The following SPMIP10 variants were observed in gnomAD, a reference collection of about 807,000 sequenced individuals.
SPMIP10 encodes sperm-associated microtubule inner protein 10.
the SPMIP10 span, among the ~76,000 whole-genome samples, chr5:126,633,008 C>CATATATAT: frequency 2.6e-3 from 331 of 125,326 alleles, 4 homozygotes; most frequent in East Asian, 0.014. Flanking sequence ...ATAAATTTTA[C>CATATATAT]ATATATATAT....
At chr5:126,635,418 C>T in the SPMIP10 span, among the ~76,000 whole-genome samples, 1 of 152,104 alleles carries the variant, frequency 6.6e-6, no homozygotes, top group Non-Finnish European at 1.5e-5. Flanking sequence ...ATCTGCTACT[C>T]AAAGAATCCT....
the SPMIP10 span, among the ~76,000 whole-genome samples, chr5:126,633,488 T>C: frequency 6.6e-6 from 1 of 151,754 alleles, no homozygotes; most frequent in East Asian, 1.9e-4. Context: ...GTCTCCCAAG[T>C]AGCTGGGATT....
At chr5:126,632,524 T>C in the SPMIP10 span, 21 of 1,351,070 alleles carry the variant, frequency 1.6e-5, no homozygotes, top group African/African-American at 2.9e-5. Flanking sequence ...ACAAGATGTC[T>C]TCTTGCTTTC....
chr5:126,634,183 G>A, the SPMIP10 span, among the ~76,000 whole-genome samples: 1 of 152,166 alleles, frequency 6.6e-6, no homozygotes, highest in East Asian at 1.9e-4. Flanking sequence ...TGTGATCCTA[G>A]CACTTTGGGA....
chr5:126,635,937 C>A, the SPMIP10 span: 1 of 1,050,372 alleles, frequency 9.5e-7, no homozygotes, highest in Non-Finnish European at 1.4e-6. Context: ...GCTGGGATTA[C>A]AGGCATGAGC....
the SPMIP10 span, among the ~76,000 whole-genome samples, chr5:126,633,032 T>TATAA: frequency 2.7e-5 from 4 of 146,498 alleles, no homozygotes; most frequent in African/African-American, 1.0e-4. Flanking sequence ...TATATATATA[T>TATAA]AATTTAGTAT....
chr5:126,632,640 A>T, the SPMIP10 span: 1 of 1,589,218 alleles, frequency 6.3e-7, no homozygotes, highest in Admixed American at 1.7e-5. Flanking sequence ...GATATTCAGG[A>T]ATGTGAATCT....
At chr5:126,632,494 A>G in the SPMIP10 span, 1 of 1,053,436 alleles carries the variant, frequency 9.5e-7, no homozygotes, top group Non-Finnish European at 1.5e-6. Flanking sequence ...GAATGATGCT[A>G]AAATGATTGT....
the SPMIP10 span, among the ~76,000 whole-genome samples, chr5:126,633,008 C>CATATATATATATATATATATATATATAT: frequency 8.0e-5 from 10 of 125,330 alleles, no homozygotes; most frequent in African/African-American, 3.5e-4. Flanking sequence ...ATAAATTTTA[C>CATATATATATATATATATATATATATAT]ATATATATAT....
At chr5:126,632,709 C>T in the SPMIP10 span, 47 of 1,045,424 alleles carry the variant, frequency 4.5e-5, no homozygotes, top group African/African-American at 1.8e-4. Context: ...AACATTAAGC[C>T]GGATGCGGTG....
At chr5:126,633,751 C>A in the SPMIP10 span, among the ~76,000 whole-genome samples, 1 of 152,120 alleles carries the variant, frequency 6.6e-6, no homozygotes, top group Non-Finnish European at 1.5e-5. Context: ...GCTGCAGCAA[C>A]CTCTTGGGCT....
the SPMIP10 span, among the ~76,000 whole-genome samples, chr5:126,632,258 TAAAAAAAAA>T: frequency 1.2e-3 from 69 of 57,190 alleles, 1 homozygote; most frequent in Non-Finnish European, 1.6e-3. Flanking sequence ...TCCATCTCAT[TAAAAAAAAA>T]AAAAAAAAAA....
the SPMIP10 span, among the ~76,000 whole-genome samples, chr5:126,632,825 A>G: frequency 6.6e-6 from 1 of 151,710 alleles, no homozygotes; most frequent in South Asian, 2.1e-4. Context: ...CATCTCTACT[A>G]AAAATATGAA....
At chr5:126,634,846 G>A in the SPMIP10 span, among the ~76,000 whole-genome samples, 1 of 151,932 alleles carries the variant, frequency 6.6e-6, no homozygotes, top group African/African-American at 2.4e-5. Flanking sequence ...TTTTCCATTA[G>A]GAGTTAAAAA....
chr5:126,635,909 G>A, the SPMIP10 span: 1 of 795,618 alleles, frequency 1.3e-6, no homozygotes, highest in Non-Finnish European at 2.1e-6. Flanking sequence ...CAATCTTCCT[G>A]TCTTGGCCTC....
chr5:126,632,603 T>C, the SPMIP10 span: 38 of 1,612,292 alleles, frequency 2.4e-5, no homozygotes, highest in Non-Finnish European at 2.9e-5. Flanking sequence ...TCCCAAGACG[T>C]TATGTCATGC....
At chr5:126,633,203 C>G in the SPMIP10 span, among the ~76,000 whole-genome samples, 3 of 151,860 alleles carry the variant, frequency 2.0e-5, no homozygotes, top group African/African-American at 7.3e-5. Context: ...TTAAACTCAT[C>G]ATCAGAAGAT....
At chr5:126,633,400 A>T in the SPMIP10 span, among the ~76,000 whole-genome samples, 1 of 152,072 alleles carries the variant, frequency 6.6e-6, no homozygotes, top group Admixed American at 6.6e-5. Context: ...TCGCTCTGTC[A>T]TCCAGGCTGG....
At chr5:126,632,788 G>A in the SPMIP10 span, 1 of 574,186 alleles carries the variant, frequency 1.7e-6, no homozygotes, top group South Asian at 2.0e-5. Context: ...AGGAGTTCGA[G>A]ACCAGCCTAG....
Sources: gnomAD v4.1 joint callset for allele counts (sites outside exome capture counted in the v4.1 genomes callset) on GRCh38, gnomAD v4.1.1 for gene constraint, MANE v1.5 for transcripts, NCBI Gene and HGNC (gene_info 2026-07-23, HGNC 2026-07-21) for gene names.